The following COPS8 variants were observed in gnomAD, a reference collection of about 807,000 sequenced individuals.
COPS8 encodes COP9 signalosome complex subunit 8.
In COPS8, 11 loss-of-function variants were observed where a neutral mutation model predicts 31.5. The ratio of observed to expected loss-of-function variants is 0.35; its 90% CI spans 0.22 to 0.58. The LOEUF is 0.58. Among genes scored for constraint, COPS8 ranks in the 20% least tolerant of loss-of-function variants. The pLI, the probability that COPS8 is intolerant of heterozygous loss-of-function variation, is 0.83. For synonymous variants in COPS8, 81 were observed against 89.3 expected (o/e 0.91, Z 0.52); for missense variants, 215 against 255.1 (o/e 0.84, Z 1.07).
intron 4 of COPS8, chr2:237,093,777 C>A: frequency 5.9e-6 from 6 of 1,012,580 alleles, no homozygotes; most frequent in African/African-American, 1.7e-5. Flanking sequence ...AATTTATATC[C>A]CCATTGCATA....
rs1696734261 is a variant in COPS8, at chr2:237,093,026, TGTTA to T, written c.332-1063_332-1060del. Among the ~76,000 whole-genome samples the T allele has an allele frequency of 2.0e-5, 3 of 152,140 alleles. No individual in the cohort carries two copies. The South Asian group carries it at 6.2e-4, about 32-fold the overall frequency. On this transcript the variant is annotated intron_variant, in intron 4 of 7. Transcript: ENST00000354371. ...GTGTCTGCCGTAGTGGAAAGTTGCT[TGTTA>T]AAGTAGAAGTGTAAACAATACTGCT...
Position 237,087,952 on chromosome 2 carries a change from C to CAAAA in COPS8, c.150-639_150-636dup, listed in dbSNP as rs199564314. Among the ~76,000 whole-genome samples, 10 of 99,400 alleles carry CAAAA rather than the reference C, an allele frequency of 1.0e-4. 1 individual carries two copies. In the East Asian group the frequency reaches 1.4e-3, roughly 14 times the overall value. 65.2% of individuals were successfully genotyped at this position (99,400 alleles called of 152,430 possible). ...CTGTCTCAAAAGGAAAGCATAACTGCAAAAAAAAAAAAAAAAAGTCTCCTA... is the reference window on the plus strand; with the variant it reads ...CTGTCTCAAAAGGAAAGCATAACTGCAAAAAAAAAAAAAAAAAAAAAGTCTCCTA... On this transcript the variant is annotated intron_variant, in intron 2 of 7. Coordinates refer to ENST00000354371, the MANE Select transcript of COPS8 (RefSeq NM_006710.5).
rs1696604698 is a variant in COPS8, at chr2:237,086,010, T to A, written c.46T>A (p.Leu16Met). 1 of 1,613,754 alleles carries A rather than the reference T, an allele frequency of 6.2e-7. No homozygotes were observed. The highest frequency in any genetic ancestry group is 1.3e-5 in the African/African-American group (1 of 75,036). The change falls in exon 1 of 8, where the codon TTG (leucine) becomes ATG (methionine). Residue 16 changes from leucine to methionine, a missense_variant. Leu to Met is a conservative substitution (Grantham distance 15). Transcript: ENST00000354371. ...MAESAFSFKK[L>M]LDQCENQELE... ...GGAAAGCGCCTTTAGTTTCAAAAAG[T>A]TGCTGGATCAGTGCGAGAACCAGGA... is the stretch of plus-strand genomic sequence containing the variant.
intron 3 of COPS8, among the ~76,000 whole-genome samples, 161 bp from the exon 4 acceptor site, chr2:237,089,701 T>A (rs1696674339): frequency 1.3e-5 from 2 of 152,236 alleles, no homozygotes; most frequent in Non-Finnish European, 2.9e-5. Flanking sequence ...TGATAGTGAT[T>A]GGGCTGAAAA....
intron 4 of COPS8, among the ~76,000 whole-genome samples, chr2:237,090,891 G>A (rs1484409079): frequency 6.6e-6 from 1 of 152,208 alleles, no homozygotes; most frequent in South Asian, 2.1e-4. Context: ...TAGATGGGAA[G>A]GGAGGAGTGT....
chr2:237,099,465 T>TA lies in COPS8; in HGVS notation c.*1724dup, dbSNP rs1228043969. ...ATACACTAAGGACAGAAAAAAATCTTAGACTAATGAATGTGGTTTTTCATG... is the reference window on the plus strand; with the variant it reads ...ATACACTAAGGACAGAAAAAAATCTTAAGACTAATGAATGTGGTTTTTCATG... On this transcript the variant is annotated 3_prime_UTR_variant, in exon 8 of 8. Coordinates refer to ENST00000354371, the MANE Select transcript of COPS8 (RefSeq NM_006710.5). The TA allele has an allele frequency of 6.6e-6, 1 of 152,194 alleles. No homozygotes were observed. Among genetic ancestry groups the TA allele is most frequent in the Non-Finnish European group, 1.5e-5 (1 of 68,022 alleles). 9.4% of individuals were successfully genotyped at this position (152,194 alleles called of 1,614,324 possible).
Position 237,087,205 on chromosome 2 carries a change from T to C in COPS8, c.149+8T>C, listed in dbSNP as rs192691175. ...TTTGCTCCATAATGACATGTAAGTA[T>C]GTTTAACCTAAAGCTAAGAGCAACA... On this transcript the variant is annotated splice_region_variant and intron_variant, in intron 2 of 7. Coordinates refer to ENST00000354371, the MANE Select transcript of COPS8 (RefSeq NM_006710.5). The C allele has an allele frequency of 5.1e-4, 805 of 1,593,078 alleles. 5 individuals carry two copies. In the African/African-American group the frequency reaches 7.1e-3, roughly 14 times the overall value.
intron 6 of COPS8, 89 bp downstream of exon 6, chr2:237,095,973 T>C (rs1332235542): frequency 5.5e-6 from 5 of 903,860 alleles, no homozygotes; most frequent in African/African-American, 1.7e-5. Context: ...TAATTGGATG[T>C]AAAATTCGGC....
intron 3 of COPS8, 71 bp downstream of exon 3, chr2:237,088,724 G>A: frequency 1.0e-6 from 1 of 986,616 alleles, no homozygotes; most frequent in Non-Finnish European, 1.5e-6. Flanking sequence ...CCTTTTATAA[G>A]CTTATGTTTT....
rs760027685 is a variant in COPS8 at position 237,094,105 on chromosome 2, G to A, written c.347G>A (p.Arg116His). The A allele has an allele frequency of 4.3e-6, 7 of 1,613,144 alleles. No individual in the cohort carries two copies. The highest frequency in any genetic ancestry group is 2.2e-5 in the East Asian group (1 of 44,820). ...CCCACAATAGATGCAACAAGGAGAC[G>A]CGCCTTTGCCCTGGTCTCTCAAGCG... is the stretch of plus-strand genomic sequence containing the variant. ...MEALRDATRR[R>H]AFALVSQAYT... Residue 116 changes from arginine to histidine, a missense_variant, in exon 5 of 8, where the codon CGC (arginine) becomes CAC (histidine). Coordinates refer to ENST00000354371, the MANE Select transcript of COPS8 (RefSeq NM_006710.5).
chr2:237,096,529 T>C (rs1289846650), intron 6 of COPS8: 5 of 408,642 alleles, frequency 1.2e-5, no homozygotes, highest in Non-Finnish European at 2.2e-5. Context: ...TCAGCCCAAA[T>C]TTCCTTCCAC....
At chr2:237,092,535 C>T (rs1008479724) in intron 4 of COPS8, among the ~76,000 whole-genome samples, 5 of 151,668 alleles carry the variant, frequency 3.3e-5, no homozygotes, top group Non-Finnish European at 7.4e-5. Context: ...ATGGTGTATA[C>T]TTTTACTTCT....
chr2:237,093,979 A>G, intron 4 of COPS8, 111 bp from the exon 5 acceptor site: 1 of 1,480,690 alleles, frequency 6.8e-7, no homozygotes, highest in Non-Finnish European at 9.0e-7. Context: ...CTTTGGGTTC[A>G]TCTGGCCTTG....
At chr2:237,097,018 T>C in intron 7 of COPS8, 149 bp downstream of exon 7, 1 of 657,096 alleles carries the variant, frequency 1.5e-6, no homozygotes, top group Non-Finnish European at 2.6e-6. Context: ...GTAATACATC[T>C]GGTTACAAGA....
intron 5 of COPS8, 74 bp downstream of exon 5, chr2:237,094,271 C>A: frequency 7.3e-7 from 1 of 1,368,504 alleles, no homozygotes; most frequent in Non-Finnish European, 1.0e-6. Context: ...ACAGTCTCCT[C>A]TGAAACACTT....
rs1020357625 is a variant in COPS8, at chr2:237,091,482, A to G, written c.331+1488A>G. Among the ~76,000 whole-genome samples, 17 of 152,230 alleles carry G rather than the reference A, an allele frequency of 1.1e-4. 1 individual carries two copies. Among genetic ancestry groups the G allele is most frequent in the Non-Finnish European group, 2.2e-4 (15 of 68,034 alleles). ...CTTTTACAAATCTCCAGATTCATGA[A>G]TGGTACTGTGGTTTCCTTTGTAAAA... On this transcript the variant is annotated intron_variant, in intron 4 of 7. Coordinates refer to ENST00000354371, the MANE Select transcript of COPS8 (RefSeq NM_006710.5).
intron 4 of COPS8, among the ~76,000 whole-genome samples, chr2:237,092,071 G>A (rs1028682169): frequency 6.6e-6 from 1 of 152,224 alleles, no homozygotes; most frequent in Admixed American, 6.5e-5. Flanking sequence ...TGGATGAGCA[G>A]CACTTGAGTA....
chr2:237,086,447 A>G (rs1422101906), intron 1 of COPS8, among the ~76,000 whole-genome samples: 1 of 152,092 alleles, frequency 6.6e-6, no homozygotes, highest in African/African-American at 2.4e-5. Context: ...GAAAAATGTG[A>G]CCATTGTAAC....
Position 237,096,852 on chromosome 2 carries a change from A to G in COPS8, c.533A>G (p.Lys178Arg), listed in dbSNP as rs1359370324. 3.1e-6 allele frequency: 5 copies of G among 1,610,686 alleles called. No individual in the cohort carries two copies. In the South Asian group the frequency reaches 3.3e-5, roughly 11 times the overall value. ...VAGALDVSFN[K>R]FIPLSEPAPV... ...GGGGCCCTGGATGTTTCCTTTAACA[A>G]GTTTATTCCCTTATCAGGTATGTAT... is the stretch of plus-strand genomic sequence containing the variant. The change falls in exon 7 of 8, where the codon AAG becomes AGG. Residue 178 changes from lysine to arginine, a missense_variant. By Grantham distance (26) the Lys-to-Arg change is conservative. Coordinates refer to ENST00000354371, the MANE Select transcript of COPS8 (RefSeq NM_006710.5).
Sources: allele counts gnomAD v4.1 joint callset (sites outside exome capture counted in the v4.1 genomes callset), GRCh38; gene constraint gnomAD v4.1.1; transcripts MANE v1.5; gene names NCBI Gene and HGNC (gene_info 2026-07-23, HGNC 2026-07-21).